The following MALRD1 variants were observed in gnomAD, a reference collection of about 807,000 sequenced individuals.
MALRD1 encodes MAM and LDL-receptor class A domain-containing protein 1.
A neutral mutation model predicts 242.1 loss-of-function variants in MALRD1; 247 were observed. The ratio of observed to expected loss-of-function variants is 1.02; its 90% confidence interval spans 0.92 to 1.13. The LOEUF (loss-of-function observed/expected upper bound fraction) is 1.13, where lower values mean the gene tolerates loss of function less well. MALRD1 is among the 50% of genes most tolerant of loss of function. MALRD1 has a pLI of 0.00. For synonymous variants in MALRD1, 995 were observed against 866.6 expected, an observed-to-expected ratio of 1.15 and a Z score of -2.60; for missense variants, 2,989 against 2,533.1, an observed-to-expected ratio of 1.18 and a Z score of -3.86.
intron 26 of MALRD1, among the ~76,000 whole-genome samples, chr10:19,353,126 C>A (rs1317167314): frequency 1.3e-5 from 2 of 151,984 alleles, no homozygotes; most frequent in East Asian, 3.9e-4. Context: ...CCCGCCTCAG[C>A]CTCCTGAATA....
chr10:19,319,099 G>C (rs1425898131), intron 21 of MALRD1, among the ~76,000 whole-genome samples: 1 of 151,760 alleles, frequency 6.6e-6, no homozygotes, highest in Non-Finnish European at 1.5e-5. Flanking sequence ...CCATTGACTG[G>C]TTGGCCTTTA....
intron 36 of MALRD1, among the ~76,000 whole-genome samples, chr10:19,650,416 A>G (rs1281325801): frequency 6.6e-6 from 1 of 152,224 alleles, no homozygotes; most frequent in Non-Finnish European, 1.5e-5. Context: ...ACGTGCATCT[A>G]TAGAGAAAAA....
intron 18 of MALRD1, among the ~76,000 whole-genome samples, chr10:19,242,551 A>G (rs1268381493): frequency 6.6e-6 from 1 of 152,124 alleles, no homozygotes; most frequent in African/African-American, 2.4e-5. Context: ...ATTGCAGTCT[A>G]TCTCTACCTT....
chr10:19,124,669 A>C lies in MALRD1; in HGVS notation c.942A>C (p.Glu314Asp). 8.1e-7 allele frequency: 1 copy of C among 1,233,684 alleles called. No homozygotes were observed. The highest frequency in any genetic ancestry group is 1.0e-6 in the Non-Finnish European group (1 of 988,058). 76.4% of individuals were successfully genotyped at this position (1,233,684 alleles called of 1,614,324 possible). The change falls in exon 7 of 40, where the codon GAA becomes GAC. Residue 314 changes from glutamate (E) to aspartate (D), a missense_variant and splice_region_variant. Coordinates refer to ENST00000454679, the MANE Select transcript of MALRD1 (RefSeq NM_001142308.3). Reference protein sequence around the residue: ...TPQQDQGGDDEGYYVWVGAKH... With the variant: ...TPQQDQGGDDDGYYVWVGAKH... ...AGCAGGATCAAGGAGGTGATGATGA[A>C]GGTAGAAAAAAAAATAATATCTTTT... is the stretch of plus-strand genomic sequence containing the variant.
rs760570715 is a variant in MALRD1, at chr10:19,347,786, G to A, written c.3917G>A (p.Arg1306His). 19 of 1,550,334 alleles carry A rather than the reference G, an allele frequency of 1.2e-5. No individual in the cohort carries two copies. The highest frequency in any genetic ancestry group is 2.7e-5 in the African/African-American group (2 of 73,006). The part of the protein sequence containing the change: ...TTFICRTSSG[R>H]CDFEFDLCSW... The stretch of plus-strand genomic sequence containing the variant: ...TATTTTCCAGGTACCTCCAGTGGGC[G>A]CTGTGATTTCGAATTTGATCTTTGT... Residue 1306 changes from arginine (R) to histidine (H), a missense_variant, in exon 25 of 40, where the codon CGC becomes CAC. Coordinates refer to ENST00000454679, the MANE Select transcript of MALRD1 (RefSeq NM_001142308.3).
intron 35 of MALRD1, among the ~76,000 whole-genome samples, chr10:19,613,602 A>AT (rs1429654182): frequency 2.0e-5 from 3 of 151,962 alleles, no homozygotes; most frequent in Non-Finnish European, 4.4e-5. Context: ...ACCAACAAAA[A>AT]CCTCTTTAAC....
At chr10:19,106,270 G>A (rs1836459448) in intron 5 of MALRD1, among the ~76,000 whole-genome samples, 1 of 151,616 alleles carries the variant, frequency 6.6e-6, no homozygotes, top group African/African-American at 2.4e-5. Context: ...TTTATTAAAT[G>A]TTTGCTAGAA....
chr10:19,680,237 G>A (rs1273194062), intron 36 of MALRD1, among the ~76,000 whole-genome samples: 2 of 152,120 alleles, frequency 1.3e-5, no homozygotes, highest in African/African-American at 2.4e-5. Flanking sequence ...TGACAGTTGG[G>A]TGTTAAAGTC....
At chr10:19,505,928 A>G (rs573286248) in intron 31 of MALRD1, among the ~76,000 whole-genome samples, 2 of 152,322 alleles carry the variant, frequency 1.3e-5, no homozygotes, top group East Asian at 3.9e-4. Flanking sequence ...CCTTGGCTGC[A>G]TATTAGAATC....
At chr10:19,197,351 T>A (rs1328509652) in intron 14 of MALRD1, among the ~76,000 whole-genome samples, 2 of 141,062 alleles carry the variant, frequency 1.4e-5, no homozygotes, top group African/African-American at 5.6e-5. Context: ...TTCTTCCCCT[T>A]CCTTTTTTGT....
intron 12 of MALRD1, among the ~76,000 whole-genome samples, chr10:19,156,790 G>A (rs1834163853): frequency 6.6e-6 from 1 of 152,054 alleles, no homozygotes; most frequent in South Asian, 2.1e-4. Flanking sequence ...CTGGGATTGA[G>A]TTTCAGTTTA....
At chr10:19,404,518 ATG>A (rs1279280513) in intron 28 of MALRD1, among the ~76,000 whole-genome samples, 5 of 152,068 alleles carry the variant, frequency 3.3e-5, no homozygotes, top group Non-Finnish European at 7.4e-5. Flanking sequence ...CCACAAATAT[ATG>A]TGTTTTTTTC....
At chr10:19,228,488 C>T (rs1837894602) in intron 18 of MALRD1, among the ~76,000 whole-genome samples, 1 of 152,188 alleles carries the variant, frequency 6.6e-6, no homozygotes, top group South Asian at 2.1e-4. Flanking sequence ...TGATATTCAT[C>T]TGCCATAACC....
At chr10:19,560,353 A>G (rs1835907558) in intron 32 of MALRD1, among the ~76,000 whole-genome samples, 2 of 152,310 alleles carry the variant, frequency 1.3e-5, no homozygotes, top group South Asian at 4.1e-4. Flanking sequence ...CTGTAGTCCC[A>G]GCTACTTGGG....
At chr10:19,210,229 C>A (rs546541373) in intron 18 of MALRD1, among the ~76,000 whole-genome samples, 1 of 152,192 alleles carries the variant, frequency 6.6e-6, no homozygotes, top group East Asian at 1.9e-4. Flanking sequence ...AGCTCAAATG[C>A]GTATGTGGCT....
intron 8 of MALRD1, among the ~76,000 whole-genome samples, chr10:19,129,812 AT>A (rs1354576633): frequency 3.4e-5 from 5 of 149,184 alleles, no homozygotes; most frequent in Admixed American, 6.7e-5. Flanking sequence ...TATGATTCAC[AT>A]AATTACATCT....
chr10:19,689,250 A>G (rs1842725339), intron 36 of MALRD1, among the ~76,000 whole-genome samples: 1 of 151,916 alleles, frequency 6.6e-6, no homozygotes, highest in African/African-American at 2.4e-5. Flanking sequence ...GTGTGTGTGT[A>G]TCTGTACGTG....
chr10:19,629,113 G>C (rs10827686), intron 36 of MALRD1, among the ~76,000 whole-genome samples: 25,190 of 152,116 alleles, frequency 0.17, 3,877 homozygotes, highest in African/African-American at 0.41. Flanking sequence ...AATTTCCCCT[G>C]TCTGCACCCC....
At chr10:19,543,433 CTTTT>C (rs71388849) in intron 32 of MALRD1, among the ~76,000 whole-genome samples, 5 of 106,408 alleles carry the variant, frequency 4.7e-5, no homozygotes, top group Admixed American at 1.1e-4. Context: ...CAGCTGATTT[CTTTT>C]TTTTTTTTTT....
Sources: gnomAD v4.1 joint callset for allele counts (sites outside exome capture counted in the v4.1 genomes callset) on GRCh38, gnomAD v4.1.1 for gene constraint, MANE v1.5 for transcripts, NCBI Gene and HGNC (gene_info 2026-07-23, HGNC 2026-07-21) for gene names.